R3HDML: variants seen among roughly 807,000 people sequenced by gnomAD.
R3HDML encodes R3H domain containing like.
A neutral mutation model predicts 24.2 loss-of-function variants in R3HDML; 21 were observed. The observed-to-expected ratio is 0.87, with a 90% CI of 0.62 to 1.25. R3HDML has a LOEUF of 1.25. R3HDML is among the 50% of genes most tolerant of loss of function. The probability of loss-of-function intolerance (pLI) is 0.00; values close to 1 mark genes in which losing one functional copy is unlikely to be tolerated. For synonymous variants in R3HDML, 133 were observed against 131.5 expected (o/e 1.01, Z -0.08); for missense variants, 301 against 340.3 (o/e 0.88, Z 0.91).
At chr20:44,346,206 G>T (rs750279077) in intron 4 of R3HDML, among the ~76,000 whole-genome samples, 3 of 151,942 alleles carry the variant, frequency 2.0e-5, no homozygotes, top group African/African-American at 4.8e-5. Context: ...CTACAGCCTC[G>T]ACTGGCTGGG....
Position 44,350,817 on chromosome 20 carries a change from T to A in R3HDML, c.*25T>A, listed in dbSNP as rs771431495. ...AATTTTCTCTGGGCTTTGGTGCGCC[T>A]CCAGCTGGGCCTGACCCTCCATGTC... is the stretch of plus-strand genomic sequence containing the variant. On this transcript the variant is annotated 3_prime_UTR_variant, in exon 5 of 5. Coordinates refer to ENST00000217043, the MANE Select transcript of R3HDML (RefSeq NM_178491.4). The A allele has an allele frequency of 6.2e-7, 1 of 1,613,286 alleles. No individual in the cohort carries two copies. Among genetic ancestry groups the A allele is most frequent in the African/African-American group, 1.3e-5 (1 of 74,982 alleles).
rs1215605687 is a variant in R3HDML, at chr20:44,346,034, G to T, written c.629+656G>T. Among the ~76,000 whole-genome samples, 5 of 152,156 alleles carry T rather than the reference G, an allele frequency of 3.3e-5. No individual in the cohort carries two copies. In the East Asian group the frequency reaches 9.6e-4, roughly 29 times the overall value. ...AAGGTTTCGCCATGTTGGCCAGACTGGTCTCAAACCCCTAACCTCAGGTGA... is the reference window on the plus strand; with the variant it reads ...AAGGTTTCGCCATGTTGGCCAGACTTGTCTCAAACCCCTAACCTCAGGTGA... On this transcript the variant is annotated intron_variant, in intron 4 of 4. Transcript: ENST00000217043.
intron 4 of R3HDML, chr20:44,347,532 A>G (rs1568678043): frequency 6.6e-6 from 1 of 152,156 alleles, no homozygotes; most frequent in Non-Finnish European, 1.5e-5. Context: ...CTAGAATTCC[A>G]AAATTATATA....
chr20:44,349,472 G>C (rs142408836), intron 4 of R3HDML, among the ~76,000 whole-genome samples: 3 of 152,170 alleles, frequency 2.0e-5, no homozygotes, highest in Admixed American at 1.3e-4. Context: ...GACAGCAGCC[G>C]GCACAAATCC....
chr20:44,343,383 G>A lies in R3HDML; in HGVS notation c.387G>A (p.Arg129=). The change falls in exon 3 of 5, where the codon CGG becomes CGA. Residue 129 remains arginine, a synonymous_variant. Coordinates refer to ENST00000217043, the MANE Select transcript of R3HDML (RefSeq NM_178491.4). ...QNLSIHSGQY[R]SVVDLMKSWS... ...GTGTCCCCCGCCTCCCCAGGTACCGGTCCGTAGTGGATCTCATGAAGTCCT... is the reference window on the plus strand; with the variant it reads ...GTGTCCCCCGCCTCCCCAGGTACCGATCCGTAGTGGATCTCATGAAGTCCT... 2 of 1,610,542 alleles carry A rather than the reference G, an allele frequency of 1.2e-6. No individual in the cohort carries two copies. The highest frequency in any genetic ancestry group is 1.7e-6 in the Non-Finnish European group (2 of 1,178,492).
intron 1 of R3HDML, among the ~76,000 whole-genome samples, chr20:44,340,106 C>T (rs1474406105): frequency 6.6e-6 from 1 of 152,098 alleles, no homozygotes; most frequent in Non-Finnish European, 1.5e-5. Flanking sequence ...AGGTGCCCGC[C>T]ACCACACCCG....
intron 4 of R3HDML, among the ~76,000 whole-genome samples, chr20:44,345,862 C>T (rs771780314): frequency 1.2e-4 from 18 of 146,978 alleles, no homozygotes; most frequent in South Asian, 2.1e-4. Flanking sequence ...CTCTCTCAGC[C>T]AGGCTGGAAT....
chr20:44,345,847 C>A (rs997701336), intron 4 of R3HDML, among the ~76,000 whole-genome samples: 2 of 124,924 alleles, frequency 1.6e-5, no homozygotes, highest in Non-Finnish European at 3.9e-5. Context: ...TGAGAAGAGG[C>A]CTTGCTCTCT....
chr20:44,345,451 G>C, intron 4 of R3HDML, 73 bp downstream of exon 4: 1 of 1,000,972 alleles, frequency 1.0e-6, no homozygotes, highest in Non-Finnish European at 1.5e-6. Context: ...AGAAAGATAC[G>C]CTCCATATCC....
chr20:44,346,001 C>G (rs2146112516), intron 4 of R3HDML, among the ~76,000 whole-genome samples: 1 of 152,102 alleles, frequency 6.6e-6, no homozygotes, highest in Non-Finnish European at 1.5e-5. Context: ...TGTATTTTTA[C>G]TAGAGACAAG....
At position 44,337,363 on chromosome 20, in the gene R3HDML, A is replaced by T. The variant is rs371945353; in HGVS notation, c.206A>T (p.Tyr69Phe). The change falls in exon 1 of 5, where the codon TAT becomes TTT. Residue 69 changes from tyrosine to phenylalanine, a missense_variant. Coordinates refer to ENST00000217043, the MANE Select transcript of R3HDML (RefSeq NM_178491.4). The surrounding 1 kb of genome is among the most constrained non-coding windows in gnomAD (Gnocchi z 4.7). Reference sequence around the variant, plus strand: ...AGAGACATGAATGCCTTACTGGATTATCACAACCACATCCGGGCCAGTGTG... The same window carrying T: ...AGAGACATGAATGCCTTACTGGATTTTCACAACCACATCCGGGCCAGTGTG... ...SVRDMNALLD[Y>F]HNHIRASVYP... The T allele has an allele frequency of 8.9e-5, 144 of 1,614,212 alleles. No individual in the cohort carries two copies. The East Asian group carries it at 1.0e-3, about 11-fold the overall frequency.
At chr20:44,341,461 G>C in intron 2 of R3HDML, 147 bp downstream of exon 2, 1 of 628,512 alleles carries the variant, frequency 1.6e-6, no homozygotes, top group Non-Finnish European at 2.7e-6. Context: ...CTGCATTCTA[G>C]TTAGAAGGGG....
chr20:44,349,996 G>A (rs1434470957), intron 4 of R3HDML, among the ~76,000 whole-genome samples: 1 of 152,202 alleles, frequency 6.6e-6, no homozygotes, highest in African/African-American at 2.4e-5. Flanking sequence ...CTTGAACCCA[G>A]GAGGCGGAGG....
At chr20:44,344,940 TGAAA>T (rs1270195142) in intron 3 of R3HDML, 5 of 311,626 alleles carry the variant, frequency 1.6e-5, no homozygotes, top group African/African-American at 4.5e-5. Context: ...CAGTATGAAA[TGAAA>T]GAAAGAAAAT....
chr20:44,344,319 T>G (rs1462362406), intron 3 of R3HDML, among the ~76,000 whole-genome samples: 1 of 150,482 alleles, frequency 6.6e-6, no homozygotes, highest in African/African-American at 2.4e-5. Flanking sequence ...GTGCACACCT[T>G]TAGTCCCAGC....
chr20:44,349,160 TA>T (rs1292543626), intron 4 of R3HDML, among the ~76,000 whole-genome samples: 2 of 149,716 alleles, frequency 1.3e-5, no homozygotes, highest in African/African-American at 4.9e-5. Context: ...TAAAATAAAA[TA>T]AAATAAAATA....
chr20:44,338,588 G>A (rs1047972145), intron 1 of R3HDML, among the ~76,000 whole-genome samples: 2 of 152,138 alleles, frequency 1.3e-5, no homozygotes, highest in South Asian at 2.1e-4. Flanking sequence ...TTGAGCACCC[G>A]TTGTGCGTGT....
Position 44,350,949 on chromosome 20 carries a change from A to G in R3HDML, c.*157A>G, listed in dbSNP as rs2062809800. 2 of 756,904 alleles carry G rather than the reference A, an allele frequency of 2.6e-6. No homozygotes were observed. The highest frequency in any genetic ancestry group is 5.8e-5 in the East Asian group (2 of 34,596). 46.9% of individuals were successfully genotyped at this position (756,904 alleles called of 1,614,324 possible). On this transcript the variant is annotated 3_prime_UTR_variant, in exon 5 of 5. Transcript: ENST00000217043. ...CCTAGATCCCCTTCTTAAATGTCCA[A>G]CATGGGTCAAAAGAAAATGACCTCC...
Position 44,341,214 on chromosome 20 carries a change from G to T in R3HDML, c.280G>T (p.Ala94Ser), listed in dbSNP as rs756965687. The change falls in exon 2 of 5, where the codon GCC becomes TCC. Residue 94 changes from alanine to serine, a missense_variant. Physicochemically the swap from Ala to Ser is moderately conservative, Grantham distance 99 (BLOSUM62 1). Transcript: ENST00000217043. ...MEYMVWDKRL[A>S]RAAEAWATQC... ...TCCCCAGGTCTGGGACAAGCGGCTGGCCAGGGCTGCCGAAGCCTGGGCCAC... is the reference window on the plus strand; with the variant it reads ...TCCCCAGGTCTGGGACAAGCGGCTGTCCAGGGCTGCCGAAGCCTGGGCCAC... The T allele has an allele frequency of 1.2e-5, 19 of 1,613,576 alleles. No homozygotes were observed. The highest frequency in any genetic ancestry group is 1.5e-5 in the Non-Finnish European group (18 of 1,179,656).
Sources: allele counts gnomAD v4.1 joint callset (sites outside exome capture counted in the v4.1 genomes callset), GRCh38; gene constraint gnomAD v4.1.1; non-coding constraint Gnocchi (gnomAD v3.1); transcripts MANE v1.5; gene names NCBI Gene and HGNC (gene_info 2026-07-23, HGNC 2026-07-21).